ICAM5: variants seen among roughly 807,000 people sequenced by gnomAD.
The protein encoded by ICAM5 is ICAM-5.
A neutral mutation model predicts 78.8 loss-of-function variants in ICAM5; 38 were observed. The ratio of observed to expected loss-of-function variants is 0.48; its 90% CI spans 0.37 to 0.63. ICAM5 has a LOEUF of 0.63. Ranked by LOEUF, ICAM5 falls within the 30% of genes least tolerant of loss-of-function variation. The pLI is 0.00. For missense variants in ICAM5, 1,059 were observed against 1,303.0 expected, an observed-to-expected ratio of 0.81 and a Z score of 2.88; for synonymous variants, 544 against 590.9, an observed-to-expected ratio of 0.92 and a Z score of 1.15.
At position 10,290,110 on chromosome 19, in the gene ICAM5, C is replaced by A; in HGVS notation, c.67C>A (p.Leu23Ile). The change falls in exon 1 of 11, where the codon CTC becomes ATC. Residue 23 changes from leucine to isoleucine, a missense_variant. Physicochemically the swap from Leu to Ile is conservative, Grantham distance 5. Around this residue, in one of 3 missense-constraint regions of ICAM5, gnomAD observed 815 missense variants for 952.8 expected, o/e 0.86. Coordinates refer to ENST00000221980, the MANE Select transcript of ICAM5 (RefSeq NM_003259.4). This position sits in a 1 kb window ranked among gnomAD's most constrained non-coding sequence, Gnocchi z 5.7. ...LGLWAALGLGLFGLSAVSQEP... is the reference protein window; with the variant it reads ...LGLWAALGLGIFGLSAVSQEP... ...CCTCTGGGCTGCTCTGGGCCTGGGG[C>A]TCTTCGGCCTCTCAGGTAAGAGCCC... The A allele has an allele frequency of 5.9e-6, 9 of 1,532,666 alleles. No homozygotes were observed. Among genetic ancestry groups the A allele is most frequent in the Middle Eastern group, 3.9e-4 (2 of 5,154 alleles). The allele number at this position is 1,532,666 out of a possible 1,614,324, so 94.9% of individuals were successfully genotyped here.
Position 10,291,306 on chromosome 19 carries a change from G to T in ICAM5, c.317G>T (p.Arg106Leu), listed in dbSNP as rs776348928. 13 of 1,612,168 alleles carry T rather than the reference G, an allele frequency of 8.1e-6. No individual in the cohort carries two copies. The highest frequency in any genetic ancestry group is 9.3e-6 in the Non-Finnish European group (11 of 1,179,786). ...GTCTGCTTCTTCCGCTGCGCGCGGC[G>T]CACACTACAGGCGCGTGGGCTCATT... ...QPVCFFRCAR[R>L]TLQARGLIRT... The change falls in exon 2 of 11, where the codon CGC becomes CTC. Residue 106 changes from arginine (R) to leucine (L), a missense_variant. Around this residue, in one of 3 missense-constraint regions of ICAM5, gnomAD observed 815 missense variants for 952.8 expected, o/e 0.86. Coordinates refer to ENST00000221980, the MANE Select transcript of ICAM5 (RefSeq NM_003259.4).
In ICAM5 at chr19:10,292,748, C is replaced by T. The variant is rs373265158; in HGVS notation, c.1098C>T (p.Ala366=). 6.2e-7 allele frequency: 1 copy of T among 1,612,102 alleles called. No homozygotes were observed. Among genetic ancestry groups the T allele is most frequent in the South Asian group, 1.1e-5 (1 of 90,936 alleles). The change falls in exon 5 of 11, where the codon GCC becomes GCT. Residue 366 remains alanine (A), a synonymous_variant. Coordinates refer to ENST00000221980, the MANE Select transcript of ICAM5 (RefSeq NM_003259.4). ...GVPAAVPGQP[A]QLQLNATEND... ...CAGCCGCGGTCCCGGGGCAGCCCGCCCAGCTTCAGCTAAATGCCACCGAGA... is the reference window on the plus strand; with the variant it reads ...CAGCCGCGGTCCCGGGGCAGCCCGCTCAGCTTCAGCTAAATGCCACCGAGA...
Position 10,295,461 on chromosome 19 carries a change from C to G in ICAM5, c.2346C>G (p.Arg782=), listed in dbSNP as rs374282883. Residue 782 remains arginine, a synonymous_variant, in exon 10 of 11, where the codon CGC becomes CGG. Transcript: ENST00000221980. The part of the protein sequence containing the change: ...EAWPPAQISW[R]APPGALNIGL... ...GGCCTCCAGCCCAGATCAGCTGGCG[C>G]GCGCCCCCGGGGGCCCTCAACATCG... 4.9e-5 allele frequency: 79 copies of G among 1,597,286 alleles called. No homozygotes were observed. Among genetic ancestry groups the G allele is most frequent in the Non-Finnish European group, 6.3e-5 (74 of 1,173,968 alleles).
chr19:10,292,643 A>G lies in ICAM5; in HGVS notation c.993A>G (p.Glu331=). 4 of 1,596,390 alleles carry G rather than the reference A, an allele frequency of 2.5e-6. No homozygotes were observed. Among genetic ancestry groups the G allele is most frequent in the Non-Finnish European group, 3.4e-6 (4 of 1,171,298 alleles). ...SFPAPLLTLS[E]PSVSEGQMVT... ...CGGCACCACTCCTGACCCTGAGCGA[A>G]CCCAGCGTCTCCGAGGGGCAGATGG... Residue 331 remains glutamate, a synonymous_variant, in exon 5 of 11, where the codon GAA becomes GAG. Transcript: ENST00000221980.
rs775286706 is a variant in ICAM5 at position 10,294,176 on chromosome 19, G to A, written c.1848G>A (p.Glu616=). ...VKCVGSGGAT[E]GVLLPLAPPD... ...GCGTGGGCTCCGGGGGCGCCACTGAGGGGGTGCTGCTGCCGCTGGCACCCC... is the reference window on the plus strand; with the variant it reads ...GCGTGGGCTCCGGGGGCGCCACTGAAGGGGTGCTGCTGCCGCTGGCACCCC... The change falls in exon 8 of 11, where the codon GAG becomes GAA. Residue 616 remains glutamate (E), a synonymous_variant. Coordinates refer to ENST00000221980, the MANE Select transcript of ICAM5 (RefSeq NM_003259.4). The surrounding 1 kb of genome is among the most constrained non-coding windows in gnomAD (Gnocchi z 7.7). The A allele has an allele frequency of 8.1e-6, 13 of 1,613,572 alleles. No homozygotes were observed. The African/African-American group carries it at 1.7e-4, about 22-fold the overall frequency.
rs1211620217 is a variant in ICAM5, at chr19:10,289,989, GC to G, written c.-52del. On this transcript the variant is annotated 5_prime_UTR_variant, in exon 1 of 11. Coordinates refer to ENST00000221980, the MANE Select transcript of ICAM5 (RefSeq NM_003259.4). ...CCGCGCCGCGCGGAGCCGTCCTCTA[GC>G]CCAGCTCCTCGGCTCGCGCTCTCCT... is the stretch of plus-strand genomic sequence containing the variant. 27 of 1,467,166 alleles carry G rather than the reference GC, an allele frequency of 1.8e-5. No homozygotes were observed. Among genetic ancestry groups the G allele is most frequent in the Non-Finnish European group, 2.2e-5 (24 of 1,089,222 alleles). 90.9% of individuals were successfully genotyped at this position (1,467,166 alleles called of 1,614,324 possible).
chr19:10,291,358 C>G lies in ICAM5; in HGVS notation c.352+17C>G, dbSNP rs2040170579. ...GCACTTTCCGTGAGTTCTGGGTGGCCACGCGCGTACTCCACTACTCTCCCT... is the reference window on the plus strand; with the variant it reads ...GCACTTTCCGTGAGTTCTGGGTGGCGACGCGCGTACTCCACTACTCTCCCT... On this transcript the variant is annotated intron_variant, in intron 2 of 10. Coordinates refer to ENST00000221980, the MANE Select transcript of ICAM5 (RefSeq NM_003259.4). 1 of 1,605,650 alleles carries G rather than the reference C, an allele frequency of 6.2e-7. No individual in the cohort carries two copies. The highest frequency in any genetic ancestry group is 1.3e-5 in the African/African-American group (1 of 74,760).
chr19:10,295,381 C>G lies in ICAM5; in HGVS notation c.2266C>G (p.Pro756Ala), dbSNP rs774361931. ...GGTGGCCGAACTTGCTGCCTCGCCC[C>G]CTGGAGGCGTGCGCCCAGGAGGAAA... is the stretch of plus-strand genomic sequence containing the variant. ...PVVAELAASP[P>A]GGVRPGGNFT... is the part of the protein sequence containing the mutation. Residue 756 changes from proline (P) to alanine (A), a missense_variant, in exon 10 of 11, where the codon CCT (proline) becomes GCT (alanine). This residue lies in a region of ICAM5 where 135 missense variants were observed against 230.2 expected (regional missense o/e 0.59). Coordinates refer to ENST00000221980, the MANE Select transcript of ICAM5 (RefSeq NM_003259.4). The G allele has an allele frequency of 6.3e-7, 1 of 1,592,680 alleles. No homozygotes were observed. Among genetic ancestry groups the G allele is most frequent in the Admixed American group, 1.7e-5 (1 of 58,156 alleles).
chr19:10,292,949 G>A lies in ICAM5; in HGVS notation c.1217-49G>A, dbSNP rs765959391. On this transcript the variant is annotated intron_variant, in intron 5 of 10. Transcript: ENST00000221980. Reference sequence around the variant, plus strand: ...GCTCCCTCACCGTGTCGTGGAGGCGGAGCCATTTCTTACGTCTAAGCCTCT... The same window carrying A: ...GCTCCCTCACCGTGTCGTGGAGGCGAAGCCATTTCTTACGTCTAAGCCTCT... The A allele has an allele frequency of 1.9e-6, 3 of 1,608,506 alleles. No homozygotes were observed. The African/African-American group carries it at 4.0e-5, about 21-fold the overall frequency.
Position 10,293,269 on chromosome 19 carries a change from CATT to C in ICAM5, c.1465+24_1465+26del. The C allele has an allele frequency of 6.4e-7, 1 of 1,554,614 alleles. No homozygotes were observed. On this transcript the variant is annotated intron_variant, in intron 6 of 10. Transcript: ENST00000221980. This position sits in a 1 kb window ranked among gnomAD's most constrained non-coding sequence, Gnocchi z 5.0. ...AGTGTGAGTGGGGGTGCGCAGGGTG[CATT>C]TCTATCTGGTTCAAGGTCTGGAGGG...
chr19:10,294,148 A>G lies in ICAM5; in HGVS notation c.1820A>G (p.Lys607Arg). The change falls in exon 8 of 11, where the codon AAG (lysine) becomes AGG (arginine). Residue 607 changes from lysine to arginine, a missense_variant. By Grantham distance (26) the Lys-to-Arg change is conservative (BLOSUM62 2). Around this residue, in one of 3 missense-constraint regions of ICAM5, gnomAD observed 815 missense variants for 952.8 expected, o/e 0.86. Coordinates refer to ENST00000221980, the MANE Select transcript of ICAM5 (RefSeq NM_003259.4). The surrounding 1 kb of genome is among the most constrained non-coding windows in gnomAD (Gnocchi z 7.7). ...GATGGGAAGCCACAGCCAAGCGTGA[A>G]GTGCGTGGGCTCCGGGGGCGCCACT... ...EVDGKPQPSV[K>R]CVGSGGATEG... 1 of 1,610,572 alleles carries G rather than the reference A, an allele frequency of 6.2e-7. No homozygotes were observed. Among genetic ancestry groups the G allele is most frequent in the Non-Finnish European group, 8.5e-7 (1 of 1,179,030 alleles).
chr19:10,291,777 A>C lies in ICAM5; in HGVS notation c.641A>C (p.Asn214Thr). 1 of 1,611,780 alleles carries C rather than the reference A, an allele frequency of 6.2e-7. No individual in the cohort carries two copies. Among genetic ancestry groups the C allele is most frequent in the Non-Finnish European group, 8.5e-7 (1 of 1,179,688 alleles). ...CCGCACGGACTGGGACTGTTTGAAA[A>C]CAGCTCGGCCCCCAGAGAGCTCCGA... Reference protein sequence around the residue: ...LRPHGLGLFENSSAPRELRTF... With the variant: ...LRPHGLGLFETSSAPRELRTF... The change falls in exon 3 of 11, where the codon AAC (asparagine) becomes ACC (threonine). Residue 214 changes from asparagine to threonine, a missense_variant. By Grantham distance (65) the Asn-to-Thr change is moderately conservative. Transcript: ENST00000221980.
rs2040206996 is a variant in ICAM5 at position 10,294,739 on chromosome 19, G to A, written c.2230+99G>A. The A allele has an allele frequency of 6.5e-7, 1 of 1,549,542 alleles. No homozygotes were observed. The highest frequency in any genetic ancestry group is 8.7e-7 in the Non-Finnish European group (1 of 1,144,376). On this transcript the variant is annotated intron_variant, in intron 9 of 10. Coordinates refer to ENST00000221980, the MANE Select transcript of ICAM5 (RefSeq NM_003259.4). This position sits in a 1 kb window ranked among gnomAD's most constrained non-coding sequence, Gnocchi z 7.7. ...GGGCACCTCTCCCAATCCCATTCTC[G>A]GGGACAGGGAATTCCAGCCTAAACC...
intron 4 of ICAM5, 61 bp from the exon 5 acceptor site, chr19:10,292,551 C>T (rs2040182873): frequency 1.3e-6 from 2 of 1,513,848 alleles, no homozygotes; most frequent in Non-Finnish European, 1.8e-6. Context: ...AGATAAGGGG[C>T]GGGCCTTGAC....
rs761974756 is a variant in ICAM5 at position 10,292,246 on chromosome 19, G to A, written c.885G>A (p.Glu295=). Residue 295 remains glutamate (E), a synonymous_variant, in exon 4 of 11, where the codon GAG becomes GAA. Coordinates refer to ENST00000221980, the MANE Select transcript of ICAM5 (RefSeq NM_003259.4). ...TATATASAEQ[E]GARQLVCNVT... ...CAGCCACAGCTAGCGCAGAGCAGGA[G>A]GGTGCCAGGCAGCTGGTCTGCAACG... 5.0e-6 allele frequency: 8 copies of A among 1,612,884 alleles called. No individual in the cohort carries two copies. In the Admixed American group the frequency reaches 1.0e-4, roughly 20 times the overall value.
chr19:10,293,249 G>T lies in ICAM5; in HGVS notation c.1465+3G>T. The T allele has an allele frequency of 6.4e-7, 1 of 1,572,290 alleles. No individual in the cohort carries two copies. Among genetic ancestry groups the T allele is most frequent in the Non-Finnish European group, 8.6e-7 (1 of 1,158,748 alleles). On this transcript the variant is annotated splice_donor_region_variant and intron_variant, in intron 6 of 10. Transcript: ENST00000221980. The surrounding 1 kb of genome is among the most constrained non-coding windows in gnomAD (Gnocchi z 5.0). ...GGACGTAACGCTAACGGTGGAGTGT[G>T]AGTGGGGGTGCGCAGGGTGCATTTC...
rs2040192323 is a variant in ICAM5, at chr19:10,293,352, G to A, written c.1465+106G>A. The stretch of plus-strand genomic sequence containing the variant: ...GGGTATGAGGTGTCCCTTTGGGTGA[G>A]GTTTTGGGAAAGGGAAGAGGCTGGT... On this transcript the variant is annotated intron_variant, in intron 6 of 10. Coordinates refer to ENST00000221980, the MANE Select transcript of ICAM5 (RefSeq NM_003259.4). This position sits in a 1 kb window ranked among gnomAD's most constrained non-coding sequence, Gnocchi z 5.0. The A allele has an allele frequency of 1.4e-6, 2 of 1,431,890 alleles. No individual in the cohort carries two copies. Among genetic ancestry groups the A allele is most frequent in the Admixed American group, 2.4e-5 (1 of 41,292 alleles). 88.7% of individuals were successfully genotyped at this position (1,431,890 alleles called of 1,614,324 possible). A position where few individuals can be genotyped will look rare whatever the true frequency, so the allele number is the denominator to read the frequency against.
intron 4 of ICAM5, 51 bp from the exon 5 acceptor site, chr19:10,292,561 C>A (rs767466112): frequency 1.3e-6 from 2 of 1,518,796 alleles, no homozygotes; most frequent in East Asian, 4.5e-5. Context: ...CGGGCCTTGA[C>A]CGGAGGGAGG....
intron 10 of ICAM5, 129 bp from the exon 11 acceptor site, chr19:10,296,210 C>A: frequency 1.0e-6 from 1 of 956,222 alleles, no homozygotes; most frequent in Non-Finnish European, 1.3e-6. Context: ...GGTTGTCTCC[C>A]TTCTCCCAAG....
Sources: allele counts gnomAD v4.1 joint callset, GRCh38; gene constraint gnomAD v4.1.1; regional missense constraint gnomAD v4.1.1; non-coding constraint Gnocchi (gnomAD v3.1); transcripts MANE v1.5; gene names NCBI Gene and HGNC (gene_info 2026-07-23, HGNC 2026-07-21).